The following ANAPC1 variants were observed in gnomAD, a reference collection of about 807,000 sequenced individuals.
ANAPC1 encodes anaphase-promoting complex subunit 1.
In ANAPC1, 36 loss-of-function variants were observed where a neutral mutation model predicts 208.0. That is an observed-to-expected ratio of 0.17 (90% CI 0.13 to 0.23). The LOEUF (loss-of-function observed/expected upper bound fraction) is 0.23, where lower values mean the gene tolerates loss of function less well. Ranked by LOEUF, ANAPC1 falls within the 10% of genes least tolerant of loss-of-function variation. ANAPC1 has a pLI of 1.00. For missense variants in ANAPC1, 942 were observed against 2,011.6 expected (o/e 0.47, Z 10.17); for synonymous variants, 378 against 695.2 (o/e 0.54, Z 7.18).
intron 18 of ANAPC1, among the ~76,000 whole-genome samples, chr2:111,837,358 A>C (rs1482524982): frequency 6.6e-6 from 1 of 152,270 alleles, no homozygotes; most frequent in Non-Finnish European, 1.5e-5. Flanking sequence ...CCAGTGGCTC[A>C]TGCCTGTAAT....
chr2:111,878,987 A>G lies in ANAPC1; in HGVS notation c.214-16T>C, dbSNP rs766429024. The G allele has an allele frequency of 1.3e-6, 2 of 1,590,302 alleles. No homozygotes were observed. The highest frequency in any genetic ancestry group is 2.7e-5 in the African/African-American group (2 of 73,496). On this transcript the variant is annotated splice_polypyrimidine_tract_variant and intron_variant, in intron 2 of 47. Transcript: ENST00000341068. ...GCCAGCTTTCCTTAAAAATTAACAC[A>G]TGTAAAACATATTCAAGCACTCTTT...
intron 19 of ANAPC1, among the ~76,000 whole-genome samples, chr2:111,834,338 A>G (rs1308129109): frequency 6.6e-6 from 1 of 152,174 alleles, no homozygotes; most frequent in Non-Finnish European, 1.5e-5. Context: ...ATCCTGTCAA[A>G]ATGAAAATCT....
intron 18 of ANAPC1, among the ~76,000 whole-genome samples, chr2:111,837,311 G>T (rs561655364): frequency 6.6e-6 from 1 of 152,210 alleles, no homozygotes. Flanking sequence ...TAGAAGAAGA[G>T]AATAAAGCTG....
chr2:111,792,780 G>A (rs921485768), intron 37 of ANAPC1, among the ~76,000 whole-genome samples: 9 of 151,702 alleles, frequency 5.9e-5, no homozygotes, highest in Non-Finnish European at 8.8e-5. Flanking sequence ...GTGAAACCCC[G>A]TCTCTACTAA....
chr2:111,823,099 T>A (rs1470066356), intron 24 of ANAPC1, among the ~76,000 whole-genome samples: 1 of 133,448 alleles, frequency 7.5e-6, no homozygotes, highest in Admixed American at 8.5e-5. Flanking sequence ...AAGCTCCTCC[T>A]CCCGGGTTCA....
At chr2:111,869,768 A>G (rs1349710975) in intron 6 of ANAPC1, among the ~76,000 whole-genome samples, 3 of 152,192 alleles carry the variant, frequency 2.0e-5, no homozygotes, top group Non-Finnish European at 4.4e-5. Flanking sequence ...TTGGTGACAC[A>G]GAATTATGTA....
At chr2:111,827,776 A>T (rs7589437) in intron 21 of ANAPC1, among the ~76,000 whole-genome samples, 88,277 of 151,852 alleles carry the variant, frequency 0.58, 26,600 homozygotes, top group South Asian at 0.69. Context: ...AATAAAAAAT[A>T]AAAAAAGTCC....
intron 7 of ANAPC1, among the ~76,000 whole-genome samples, chr2:111,866,651 G>A (rs1389399751): frequency 4.7e-5 from 7 of 150,504 alleles, no homozygotes; most frequent in Non-Finnish European, 1.0e-4. Context: ...TTGAACCTGG[G>A]AGGCAGAGGC....
intron 13 of ANAPC1, among the ~76,000 whole-genome samples, chr2:111,853,602 C>T (rs911142494): frequency 3.9e-5 from 6 of 151,954 alleles, no homozygotes; most frequent in Non-Finnish European, 5.9e-5. Context: ...CTCAAAGTCA[C>T]CCATGAGGGT....
At chr2:111,847,026 C>G (rs1275014148) in intron 16 of ANAPC1, 112 bp downstream of exon 16, 2 of 838,872 alleles carry the variant, frequency 2.4e-6, no homozygotes, top group Non-Finnish European at 3.8e-6. Flanking sequence ...CTCTACAAAG[C>G]TAAGAACTTG....
intron 16 of ANAPC1, among the ~76,000 whole-genome samples, chr2:111,846,211 CA>C (rs1288782489): frequency 6.6e-6 from 1 of 151,876 alleles, no homozygotes; most frequent in Admixed American, 6.6e-5. Flanking sequence ...TCAATTCTAA[CA>C]TTTTGTTTAC....
At chr2:111,840,097 A>G (rs1014086962) in intron 17 of ANAPC1, among the ~76,000 whole-genome samples, 2 of 152,210 alleles carry the variant, frequency 1.3e-5, no homozygotes, top group Non-Finnish European at 2.9e-5. Flanking sequence ...CTAAGGAAAA[A>G]AACAGCAGCC....
intron 24 of ANAPC1, among the ~76,000 whole-genome samples, chr2:111,823,166 T>C (rs975986849): frequency 6.0e-5 from 9 of 150,820 alleles, no homozygotes; most frequent in African/African-American, 1.2e-4. Context: ...CCCGCCACCA[T>C]GCCCGGCTAA....
chr2:111,868,165 T>C (rs958323192), intron 6 of ANAPC1, 69 bp from the exon 7 acceptor site: 14 of 1,059,082 alleles, frequency 1.3e-5, no homozygotes, highest in African/African-American at 9.9e-5. Context: ...TGCACTTCTA[T>C]TGAAAAGAAA....
Position 111,880,645 on chromosome 2 carries a change from G to A in ANAPC1, c.181C>T (p.Leu61Phe). The A allele has an allele frequency of 6.2e-7, 1 of 1,612,624 alleles. No individual in the cohort carries two copies. Among genetic ancestry groups the A allele is most frequent in the Non-Finnish European group, 8.5e-7 (1 of 1,179,808 alleles). The part of the protein sequence containing the change: ...SDGAAGLVGS[L>F]QEVTIHEKQK... The stretch of plus-strand genomic sequence containing the variant: ...TTCTCGTGGATTGTAACCTCCTGAA[G>A]GGATCCCACCAAGCCAGCAGCACCA... The change falls in exon 2 of 48, where the codon CTT (leucine) becomes TTT (phenylalanine). Residue 61 changes from leucine to phenylalanine, a missense_variant. Transcript: ENST00000341068.
intron 17 of ANAPC1, among the ~76,000 whole-genome samples, chr2:111,842,367 G>C (rs1039885287): frequency 6.6e-6 from 1 of 152,078 alleles, no homozygotes; most frequent in Non-Finnish European, 1.5e-5. Context: ...TTGCTGGCCA[G>C]GCGCAGTGGC....
intron 37 of ANAPC1, among the ~76,000 whole-genome samples, chr2:111,793,082 G>C (rs1294312964): frequency 6.6e-6 from 1 of 152,112 alleles, no homozygotes; most frequent in African/African-American, 2.4e-5. Context: ...AAGATAACTG[G>C]TGTTAACGTT....
chr2:111,850,375 C>T (rs1008797304), intron 14 of ANAPC1, among the ~76,000 whole-genome samples: 4 of 152,230 alleles, frequency 2.6e-5, no homozygotes, highest in Admixed American at 6.5e-5. Flanking sequence ...ACATGTCTCT[C>T]AGTGAGGCTT....
chr2:111,859,913 A>G (rs906346675), intron 10 of ANAPC1, among the ~76,000 whole-genome samples: 1 of 152,238 alleles, frequency 6.6e-6, no homozygotes, highest in African/African-American at 2.4e-5. Context: ...TCACATTAAA[A>G]GTCTTAAAAT....
Sources: gnomAD v4.1 joint callset for allele counts (sites outside exome capture counted in the v4.1 genomes callset) on GRCh38, gnomAD v4.1.1 for gene constraint, MANE v1.5 for transcripts, NCBI Gene and HGNC (gene_info 2026-07-23, HGNC 2026-07-21) for gene names.